Variants in IL26 observed in about 807,000 individuals in gnomAD.
IL26 encodes the protein interleukin-26.
Under a neutral mutation model 21.7 loss-of-function variants are expected in IL26, and 23 were observed. That is an observed-to-expected ratio of 1.06 (90% confidence interval 0.76 to 1.50). The LOEUF is 1.50. IL26 is among the 40% of genes most tolerant of loss of function. IL26 has a pLI of 0.00. For synonymous variants in IL26, 63 were observed against 67.8 expected (o/e 0.93, Z 0.34); for missense variants, 204 against 196.0 (o/e 1.04, Z -0.24).
intron 3 of IL26, among the ~76,000 whole-genome samples, chr12:68,207,489 A>G (rs954778738): frequency 3.3e-5 from 5 of 152,242 alleles, no homozygotes; most frequent in Admixed American, 6.5e-5. Flanking sequence ...TTAAGTGGAT[A>G]TTCACAGCAC....
In IL26 at chr12:68,201,763, G is replaced by A. The variant is rs1250535921; in HGVS notation, c.*82C>T. ...GTATTATGTTAAAAAGTTTTTAAAA[G>A]AAATAGACTGTTATAAACATATTTC... On this transcript the variant is annotated 3_prime_UTR_variant, in exon 5 of 5. Transcript: ENST00000229134. 1.4e-5 allele frequency: 13 copies of A among 950,218 alleles called. No homozygotes were observed. The highest frequency in any genetic ancestry group is 2.7e-5 in the Admixed American group (1 of 36,474). The allele number at this position is 950,218 out of a possible 1,614,324, so 58.9% of individuals were successfully genotyped here.
chr12:68,211,345 GT>G (rs1368329917), intron 3 of IL26, among the ~76,000 whole-genome samples: 4 of 152,084 alleles, frequency 2.6e-5, no homozygotes, highest in African/African-American at 7.2e-5. Context: ...GTTGGCTACT[GT>G]GGCTAGTGCT....
At chr12:68,224,944 C>T (rs570406170) in intron 3 of IL26, among the ~76,000 whole-genome samples, 2 of 152,314 alleles carry the variant, frequency 1.3e-5, no homozygotes, top group African/African-American at 4.8e-5. Context: ...ATGAGCCATT[C>T]TTTAAGAAAT....
At chr12:68,217,197 GAGAGGAT>G (rs1378726729) in intron 3 of IL26, among the ~76,000 whole-genome samples, 3 of 152,202 alleles carry the variant, frequency 2.0e-5, no homozygotes, top group Non-Finnish European at 4.4e-5. Context: ...CAGAAGCAAT[GAGAGGAT>G]GTCCAAATAC....
At chr12:68,202,147 C>A in intron 3 of IL26, 64 bp from the exon 4 acceptor site, 1 of 1,046,606 alleles carries the variant, frequency 9.6e-7, no homozygotes, top group Non-Finnish European at 1.4e-6. Context: ...CTCTTTCATT[C>A]ATTCAACAAA....
intron 3 of IL26, among the ~76,000 whole-genome samples, chr12:68,207,394 C>T (rs776954748): frequency 7.2e-5 from 11 of 152,188 alleles, no homozygotes; most frequent in Admixed American, 2.6e-4. Context: ...GTGAAAAATA[C>T]ACAAGAGACC....
intron 3 of IL26, among the ~76,000 whole-genome samples, chr12:68,218,633 A>T (rs1309792260): frequency 6.6e-6 from 1 of 152,016 alleles, no homozygotes; most frequent in Non-Finnish European, 1.5e-5. Flanking sequence ...AGAGGAGAAG[A>T]GACAGAAGGA....
intron 3 of IL26, among the ~76,000 whole-genome samples, chr12:68,207,829 G>C (rs1868585496): frequency 6.6e-6 from 1 of 152,126 alleles, no homozygotes. Context: ...TTTTATAATA[G>C]ATTTGTGGAT....
rs780168331 is a variant in IL26 at position 68,225,776 on chromosome 12, CGT to C, written c.-22_-21del. 5.8e-5 allele frequency: 94 copies of C among 1,611,690 alleles called. 1 individual carries two copies. In the South Asian group the frequency reaches 6.6e-4, roughly 11 times the overall value. Reference sequence around the variant, plus strand: ...CAGCATTTCCCTTCACCCCACTCAGCGTGTGTCACTCACAGCAGCCCAAGAGA... The same window carrying C: ...CAGCATTTCCCTTCACCCCACTCAGCGTGTCACTCACAGCAGCCCAAGAGA... On this transcript the variant is annotated 5_prime_UTR_variant, in exon 1 of 5. Transcript: ENST00000229134.
chr12:68,201,828 A>G lies in IL26; in HGVS notation c.*17T>C, dbSNP rs1352901611. Reference sequence around the variant, plus strand: ...GTATTTCAAAATAACTGTAAAATCAATGTACTTGGCTTTGGTTTACTGACT... The same window carrying G: ...GTATTTCAAAATAACTGTAAAATCAGTGTACTTGGCTTTGGTTTACTGACT... On this transcript the variant is annotated 3_prime_UTR_variant, in exon 5 of 5. Coordinates refer to ENST00000229134, the MANE Select transcript of IL26 (RefSeq NM_018402.2). The G allele has an allele frequency of 5.3e-6, 8 of 1,506,434 alleles. No homozygotes were observed. The highest frequency in any genetic ancestry group is 3.6e-5 in the South Asian group (3 of 82,532). The allele number at this position is 1,506,434 out of a possible 1,614,324, so 93.3% of individuals were successfully genotyped here. A position where few individuals can be genotyped will look rare whatever the true frequency, so the allele number is the denominator to read the frequency against.
chr12:68,203,608 AT>A (rs1868448252), intron 3 of IL26, among the ~76,000 whole-genome samples: 2 of 152,252 alleles, frequency 1.3e-5, no homozygotes, highest in Non-Finnish European at 2.9e-5. Flanking sequence ...AGAATGTCAT[AT>A]CAATAAAGAT....
chr12:68,220,148 A>G (rs1445770486), intron 3 of IL26, among the ~76,000 whole-genome samples: 1 of 152,178 alleles, frequency 6.6e-6, no homozygotes, highest in Non-Finnish European at 1.5e-5. Context: ...ATTTAAGAAA[A>G]AATAAGTCTA....
At chr12:68,209,175 A>G (rs1295165625) in intron 3 of IL26, among the ~76,000 whole-genome samples, 1 of 152,228 alleles carries the variant, frequency 6.6e-6, no homozygotes, top group Non-Finnish European at 1.5e-5. Flanking sequence ...ATCAGACCCA[A>G]CACCGGGTCG....
chr12:68,201,730 T>A lies in IL26; in HGVS notation c.*115A>T, dbSNP rs904685132. 6.7e-6 allele frequency: 4 copies of A among 598,714 alleles called. No individual in the cohort carries two copies. Among genetic ancestry groups the A allele is most frequent in the African/African-American group, 3.8e-5 (2 of 52,766 alleles). The allele number at this position is 598,714 out of a possible 1,614,324, so 37.1% of individuals were successfully genotyped here. ...CTTGTCTATTCTGAATCACCTAACA[T>A]GCCGTCAGTATTATGTTAAAAAGTT... On this transcript the variant is annotated 3_prime_UTR_variant, in exon 5 of 5. Coordinates refer to ENST00000229134, the MANE Select transcript of IL26 (RefSeq NM_018402.2).
chr12:68,222,228 A>G (rs1869073404), intron 3 of IL26, among the ~76,000 whole-genome samples: 1 of 152,240 alleles, frequency 6.6e-6, no homozygotes, highest in Admixed American at 6.5e-5. Flanking sequence ...AAGATACAAA[A>G]TACATAATTA....
chr12:68,223,881 G>GTTTTTTTTTTTTTTTTTTT (rs1565740567), intron 3 of IL26, among the ~76,000 whole-genome samples: 4 of 137,202 alleles, frequency 2.9e-5, no homozygotes, highest in Non-Finnish European at 3.1e-5. Context: ...CTTAAATTTG[G>GTTTTTTTTTTTTTTTTTTT]TGGTTTTTTT....
Position 68,201,753 on chromosome 12 carries a change from G to C in IL26, c.*92C>G. The stretch of plus-strand genomic sequence containing the variant: ...CATGCCGTCAGTATTATGTTAAAAA[G>C]TTTTTAAAAGAAATAGACTGTTATA... On this transcript the variant is annotated 3_prime_UTR_variant, in exon 5 of 5. Coordinates refer to ENST00000229134, the MANE Select transcript of IL26 (RefSeq NM_018402.2). 3.6e-6 allele frequency: 3 copies of C among 841,778 alleles called. No homozygotes were observed. The highest frequency in any genetic ancestry group is 5.3e-5 in the East Asian group (2 of 37,574). 52.1% of individuals were successfully genotyped at this position (841,778 alleles called of 1,614,324 possible).
intron 3 of IL26, among the ~76,000 whole-genome samples, chr12:68,224,725 A>G (rs1869183889): frequency 7.9e-6 from 1 of 126,188 alleles, no homozygotes; most frequent in African/African-American, 2.8e-5. Context: ...AGAGGGAAGG[A>G]AGGGAGGGAG....
chr12:68,224,618 AG>A (rs1869178027), intron 3 of IL26, among the ~76,000 whole-genome samples: 2 of 151,166 alleles, frequency 1.3e-5, no homozygotes. Context: ...AGAGAAAGAA[AG>A]AAAAGGAAGT....
Sources: allele counts gnomAD v4.1 joint callset (sites outside exome capture counted in the v4.1 genomes callset), GRCh38; gene constraint gnomAD v4.1.1; transcripts MANE v1.5; gene names NCBI Gene and HGNC (gene_info 2026-07-23, HGNC 2026-07-21).